Variants in SPARCL1 observed in about 807,000 individuals in gnomAD.
SPARCL1 encodes SPARC like 1.
In SPARCL1, 52 loss-of-function variants were observed where a neutral mutation model predicts 67.1. The ratio of observed to expected loss-of-function variants is 0.78; its 90% CI spans 0.62 to 0.98. SPARCL1 has a LOEUF of 0.98. Ranked by LOEUF, SPARCL1 falls within the 50% of genes least tolerant of loss-of-function variation. The pLI is 0.00. For missense variants in SPARCL1, 717 were observed against 782.4 expected, an observed-to-expected ratio of 0.92 and a Z score of 1.00; for synonymous variants, 226 against 267.8, an observed-to-expected ratio of 0.84 and a Z score of 1.52.
intron 1 of SPARCL1, among the ~76,000 whole-genome samples, chr4:87,505,724 G>GGTT (rs55992030): frequency 0.14 from 20,418 of 140,952 alleles, 2,229 homozygotes; most frequent in East Asian, 0.48. Flanking sequence ...TCAGCTAATT[G>GGTT]TTTTTTTTTT....
intron 1 of SPARCL1, among the ~76,000 whole-genome samples, chr4:87,504,160 T>TGA (rs1560823536): frequency 9.5e-6 from 1 of 105,274 alleles, no homozygotes; most frequent in African/African-American, 3.6e-5. Flanking sequence ...TGTGTGTGTG[T>TGA]GTGTGTGTGT....
intron 7 of SPARCL1, among the ~76,000 whole-genome samples, chr4:87,486,019 C>T (rs1239348064): frequency 6.6e-6 from 1 of 152,036 alleles, no homozygotes. Context: ...AAAACCAGCT[C>T]CTAGGTTCAT....
At chr4:87,495,719 C>A (rs1003946580) in intron 2 of SPARCL1, among the ~76,000 whole-genome samples, 1 of 152,118 alleles carries the variant, frequency 6.6e-6, no homozygotes, top group Non-Finnish European at 1.5e-5. Flanking sequence ...AGGTCAAGGG[C>A]AGGAGTTCAA....
rs1724487229 is a variant in SPARCL1, at chr4:87,493,983, T to C, written c.817A>G (p.Asn273Asp). 1 of 1,614,194 alleles carries C rather than the reference T, an allele frequency of 6.2e-7. No homozygotes were observed. Reference protein sequence around the residue: ...QGNQEQEDNSNAEMEEENASN... With the variant: ...QGNQEQEDNSDAEMEEENASN... ...GCATTTTCCTCTTCCATTTCTGCAT[T>C]GGAGTTATCTTCTTGTTCTTGGTTA... Residue 273 changes from asparagine (N) to aspartate (D), a missense_variant, in exon 4 of 11, where the codon AAT becomes GAT. Physicochemically the swap from Asn to Asp is conservative, Grantham distance 23. Transcript: ENST00000282470.
chr4:87,528,354 C>T (rs116728717), intron 1 of SPARCL1: 280 of 152,138 alleles, frequency 1.8e-3, no homozygotes, highest in African/African-American at 6.5e-3. Flanking sequence ...TTCTCTTCTC[C>T]CATTTTTGCT....
At chr4:87,499,895 GAA>G (rs5860080) in intron 1 of SPARCL1, among the ~76,000 whole-genome samples, 2 of 149,984 alleles carry the variant, frequency 1.3e-5, no homozygotes, top group Admixed American at 6.6e-5. Context: ...TATTCATAAT[GAA>G]AAAAAAAAGT....
chr4:87,526,912 T>A (rs1465211334), intron 1 of SPARCL1, among the ~76,000 whole-genome samples: 1 of 152,240 alleles, frequency 6.6e-6, no homozygotes, highest in African/African-American at 2.4e-5. Flanking sequence ...ACTGATTTTA[T>A]AATCCCATTT....
In SPARCL1 at chr4:87,520,815, C is replaced by T. The variant is rs139796372; in HGVS notation, c.-12+8230G>A. On this transcript the variant is annotated intron_variant, in intron 1 of 10. Transcript: ENST00000282470. The stretch of plus-strand genomic sequence containing the variant: ...GCCCAGCCAAGCCATCAGAGATTGA[C>T]CTGAAAGGTATGGGCAGAATGGGCC... Among the ~76,000 whole-genome samples the T allele has an allele frequency of 5.9e-3, 906 of 152,288 alleles. 12 individuals are homozygous for T. The highest frequency in any genetic ancestry group is 0.02 in the African/African-American group (845 of 41,538).
intron 2 of SPARCL1, among the ~76,000 whole-genome samples, chr4:87,496,250 C>T (rs1362845024): frequency 6.6e-6 from 1 of 151,842 alleles, no homozygotes; most frequent in Non-Finnish European, 1.5e-5. Flanking sequence ...AATTAATTAA[C>T]TCCAGCCTCT....
intron 1 of SPARCL1, among the ~76,000 whole-genome samples, chr4:87,500,757 G>A (rs187103334): frequency 7.4e-4 from 112 of 152,136 alleles, no homozygotes; most frequent in Admixed American, 2.0e-3. Flanking sequence ...ATTTAATATT[G>A]CAACAACTAT....
intron 7 of SPARCL1, among the ~76,000 whole-genome samples, chr4:87,482,975 G>A (rs748744706): frequency 1.3e-5 from 2 of 152,046 alleles, no homozygotes; most frequent in East Asian, 1.9e-4. Flanking sequence ...CTAAATCTCA[G>A]TGGCTTAAAG....
At chr4:87,489,618 A>T (rs1724226575) in intron 7 of SPARCL1, among the ~76,000 whole-genome samples, 1 of 152,248 alleles carries the variant, frequency 6.6e-6, no homozygotes, top group South Asian at 2.1e-4. Context: ...CAGAGGATGG[A>T]GAACCATACC....
intron 7 of SPARCL1, among the ~76,000 whole-genome samples, chr4:87,486,888 CTTTTTTTTTTTTTTTTTTTTTTT>C (rs57597004): frequency 8.9e-4 from 25 of 27,998 alleles, no homozygotes; most frequent in African/African-American, 1.2e-3. Flanking sequence ...GCAATTCCTG[CTTTTTTTTTTTTTTTTTTTTTTT>C]TTTTTTTTTT....
intron 1 of SPARCL1, among the ~76,000 whole-genome samples, chr4:87,522,681 A>ACG (rs1403225737): frequency 2.0e-5 from 3 of 147,410 alleles, no homozygotes; most frequent in Admixed American, 6.7e-5. Flanking sequence ...ACACACACAC[A>ACG]CGCACACACA....
At chr4:87,504,135 TTGTGTGTGTGTGTGTGTGTGTG>T (rs70957258) in intron 1 of SPARCL1, among the ~76,000 whole-genome samples, 1 of 30,922 alleles carries the variant, frequency 3.2e-5, no homozygotes, top group Non-Finnish European at 7.1e-5. Flanking sequence ...TGATTTGGTA[TTGTGTGTGTGTGTGTGTGTGTG>T]TGTGTGTGTG....
At chr4:87,490,218 G>T (rs965602627) in intron 7 of SPARCL1, 55 bp downstream of exon 7, 5 of 1,533,198 alleles carry the variant, frequency 3.3e-6, no homozygotes, top group Admixed American at 4.2e-5. Flanking sequence ...GGCATGTCCA[G>T]ATTCACCCCA....
chr4:87,494,921 TGAAACTAAG>T, intron 3 of SPARCL1, 51 bp downstream of exon 3: 2 of 1,441,452 alleles, frequency 1.4e-6, no homozygotes, highest in Admixed American at 4.5e-5. Context: ...TACCATGCTT[TGAAACTAAG>T]ACCTTTGGAG....
At chr4:87,523,768 T>C (rs1725920072) in intron 1 of SPARCL1, among the ~76,000 whole-genome samples, 1 of 152,224 alleles carries the variant, frequency 6.6e-6, no homozygotes, top group Non-Finnish European at 1.5e-5. Flanking sequence ...ATGTGAACCA[T>C]AGATTAAATA....
chr4:87,521,041 A>G (rs1339094007), intron 1 of SPARCL1, among the ~76,000 whole-genome samples: 1 of 152,140 alleles, frequency 6.6e-6, no homozygotes, highest in Non-Finnish European at 1.5e-5. Flanking sequence ...TTTCGGTACT[A>G]TGGTTTATTT....
Sources: gnomAD v4.1 joint callset for allele counts (sites outside exome capture counted in the v4.1 genomes callset) on GRCh38, gnomAD v4.1.1 for gene constraint, MANE v1.5 for transcripts, NCBI Gene and HGNC (gene_info 2026-07-23, HGNC 2026-07-21) for gene names.